TRPM6: variants seen among roughly 807,000 people sequenced by gnomAD.
TRPM6 encodes channel kinase 2.
TRPM6 carries 111 observed loss-of-function variants against 247.6 expected under a neutral mutation model. The ratio of observed to expected loss-of-function variants is 0.45; its 90% CI spans 0.38 to 0.52. TRPM6 has a LOEUF of 0.52. TRPM6 is among the 20% of genes least tolerant of loss of function. The pLI, the probability that TRPM6 is intolerant of heterozygous loss-of-function variation, is 0.00. For missense variants in TRPM6, 2,126 were observed against 2,421.5 expected (o/e 0.88, Z 2.56); for synonymous variants, 892 against 853.8 (o/e 1.04, Z -0.78).
At chr9:74,802,336 C>T (rs1028213823) in intron 15 of TRPM6, among the ~76,000 whole-genome samples, 161 bp from the exon 16 acceptor site, 2 of 152,018 alleles carry the variant, frequency 1.3e-5, no homozygotes, top group Non-Finnish European at 1.5e-5. Context: ...AAATTTAGAC[C>T]ATAAAAGGTA....
chr9:74,804,948 A>T (rs541972367), intron 14 of TRPM6, among the ~76,000 whole-genome samples: 1 of 152,364 alleles, frequency 6.6e-6, no homozygotes, highest in East Asian at 1.9e-4. Flanking sequence ...ACTTTTTAAT[A>T]GAAAAATAAT....
intron 28 of TRPM6, among the ~76,000 whole-genome samples, chr9:74,753,922 A>G (rs956998462): frequency 2.0e-5 from 3 of 152,090 alleles, no homozygotes; most frequent in African/African-American, 7.2e-5. Flanking sequence ...TCTCCCTCTG[A>G]TCATCTGACT....
In TRPM6 at chr9:74,729,895, C is replaced by T. The variant is rs186505298; in HGVS notation, c.5829-1550G>A. On this transcript the variant is annotated intron_variant, in intron 37 of 38. Coordinates refer to ENST00000360774, the MANE Select transcript of TRPM6 (RefSeq NM_017662.5). ...CATAAAAACCCCCAACTTAGAGATG[C>T]AACACTGAATCTCAGATAAAACCTG... Among the ~76,000 whole-genome samples the T allele has an allele frequency of 7.2e-5, 11 of 152,298 alleles. 1 individual carries two copies. The highest frequency in any genetic ancestry group is 1.3e-4 in the Admixed American group (2 of 15,294).
intron 31 of TRPM6, among the ~76,000 whole-genome samples, chr9:74,747,319 G>T (rs570750217): frequency 6.6e-6 from 1 of 152,162 alleles, no homozygotes; most frequent in Non-Finnish European, 1.5e-5. Flanking sequence ...CAAAGGAGGT[G>T]GGGGAGTACT....
At chr9:74,873,992 T>C (rs977957174) in intron 1 of TRPM6, among the ~76,000 whole-genome samples, 3 of 151,872 alleles carry the variant, frequency 2.0e-5, no homozygotes, top group African/African-American at 7.3e-5. Context: ...TGCTAGCACG[T>C]TGGGAGGCTG....
intron 38 of TRPM6, among the ~76,000 whole-genome samples, chr9:74,725,843 C>CT (rs1320349101): frequency 1.3e-5 from 2 of 152,162 alleles, no homozygotes; most frequent in Admixed American, 6.6e-5. Context: ...CATATACTAC[C>CT]TAATTCAATC....
intron 1 of TRPM6, among the ~76,000 whole-genome samples, chr9:74,870,939 A>C (rs1268007779): frequency 6.6e-6 from 1 of 152,160 alleles, no homozygotes; most frequent in Non-Finnish European, 1.5e-5. Context: ...TCTCAAAAAA[A>C]AAGAAAAGAA....
At chr9:74,760,678 T>C (rs1172165822) in intron 27 of TRPM6, among the ~76,000 whole-genome samples, 2 of 152,198 alleles carry the variant, frequency 1.3e-5, no homozygotes, top group African/African-American at 2.4e-5. Context: ...ATTTAAAAGA[T>C]TGAGTATACT....
rs1825188536 is a variant in TRPM6, at chr9:74,722,954, T to TA, written c.*1658dup. ...AGTCAGCTAATGTCAGGATTAAAGATAAAAATAAGTTGGAATTTTTCAAAC... is the reference window on the plus strand; with the variant it reads ...AGTCAGCTAATGTCAGGATTAAAGATAAAAAATAAGTTGGAATTTTTCAAAC... On this transcript the variant is annotated 3_prime_UTR_variant, in exon 39 of 39. Transcript: ENST00000360774. 1 of 152,186 alleles carries TA rather than the reference T, an allele frequency of 6.6e-6. No individual in the cohort carries two copies. The highest frequency in any genetic ancestry group is 2.4e-5 in the African/African-American group (1 of 41,450). The allele number at this position is 152,186 out of a possible 1,614,324, so 9.4% of individuals were successfully genotyped here.
At chr9:74,737,430 T>G in intron 36 of TRPM6, 1 of 1,289,732 alleles carries the variant, frequency 7.8e-7, no homozygotes, top group South Asian at 1.2e-5. Context: ...GCTTTCAGCA[T>G]AGAATCCCAG....
chr9:74,851,341 C>T (rs556636020), intron 3 of TRPM6, among the ~76,000 whole-genome samples: 57 of 151,986 alleles, frequency 3.8e-4, no homozygotes, highest in African/African-American at 1.3e-3. Context: ...ATACCCATCA[C>T]TCAGAGCATT....
At chr9:74,821,266 G>A (rs1564030120) in intron 8 of TRPM6, among the ~76,000 whole-genome samples, 1 of 152,166 alleles carries the variant, frequency 6.6e-6, no homozygotes, top group African/African-American at 2.4e-5. Context: ...ATGTCAGGAT[G>A]TAGACCTTCC....
At position 74,792,621 on chromosome 9, in the gene TRPM6, A is replaced by C. The variant is rs1827945619; in HGVS notation, c.2538+3T>G. On this transcript the variant is annotated splice_donor_region_variant and intron_variant, in intron 19 of 38. Coordinates refer to ENST00000360774, the MANE Select transcript of TRPM6 (RefSeq NM_017662.5). ...CGACATATATTGTTGCAATGAGACC[A>C]ACCGTATAAAACCAAAACTTGACAA... 6.2e-7 allele frequency: 1 copy of C among 1,613,954 alleles called. No individual in the cohort carries two copies. Among genetic ancestry groups the C allele is most frequent in the East Asian group, 2.2e-5 (1 of 44,868 alleles).
At chr9:74,747,243 C>G (rs1826080373) in intron 31 of TRPM6, among the ~76,000 whole-genome samples, 1 of 152,160 alleles carries the variant, frequency 6.6e-6, no homozygotes, top group African/African-American at 2.4e-5. Flanking sequence ...AAGAAAAAGA[C>G]TATTTGTTTC....
intron 1 of TRPM6, chr9:74,887,582 G>A (rs763050855): frequency 1.5e-5 from 22 of 1,505,688 alleles, no homozygotes; most frequent in Non-Finnish European, 2.0e-5. Context: ...CCGCATCCCA[G>A]CTCTTGAAAC....
chr9:74,763,223 C>T (rs1368990308), intron 25 of TRPM6, 89 bp from the exon 26 acceptor site: 3 of 1,281,152 alleles, frequency 2.3e-6, no homozygotes, highest in Non-Finnish European at 2.2e-6. Flanking sequence ...CCTTAAATGG[C>T]TCCTGAGCCT....
chr9:74,777,761 A>C (rs1220947020), intron 23 of TRPM6, among the ~76,000 whole-genome samples: 1 of 152,166 alleles, frequency 6.6e-6, no homozygotes, highest in Non-Finnish European at 1.5e-5. Context: ...CGTAGCTGCC[A>C]GGCCCGGGGA....
chr9:74,855,071 T>A (rs1351764242), intron 3 of TRPM6, among the ~76,000 whole-genome samples: 2 of 151,490 alleles, frequency 1.3e-5, no homozygotes, highest in African/African-American at 4.9e-5. Flanking sequence ...TTTCATTTCC[T>A]TCTACTTACA....
chr9:74,799,414 A>G (rs1252482495), intron 17 of TRPM6, among the ~76,000 whole-genome samples: 1 of 152,154 alleles, frequency 6.6e-6, no homozygotes, highest in East Asian at 1.9e-4. Flanking sequence ...CTTAGCAGTC[A>G]ACTAAATTAT....
Sources: gnomAD v4.1 joint callset for allele counts (sites outside exome capture counted in the v4.1 genomes callset) on GRCh38, gnomAD v4.1.1 for gene constraint, MANE v1.5 for transcripts, NCBI Gene and HGNC (gene_info 2026-07-23, HGNC 2026-07-21) for gene names.